Variants in CADM2 observed in about 807,000 individuals in gnomAD.
The protein encoded by CADM2 is immunoglobulin superfamily member 4D.
In CADM2, 12 loss-of-function variants were observed where a neutral mutation model predicts 49.8. The ratio of observed to expected loss-of-function variants is 0.24; its 90% confidence interval spans 0.15 to 0.39. The LOEUF is 0.39. Ranked by LOEUF, CADM2 falls within the 10% of genes least tolerant of loss-of-function variation. The pLI, the probability that CADM2 is intolerant of heterozygous loss-of-function variation, is 1.00. For synonymous variants in CADM2, 214 were observed against 175.4 expected (o/e 1.22, Z -1.74); for missense variants, 378 against 492.3 (o/e 0.77, Z 2.20).
intron 8 of CADM2, among the ~76,000 whole-genome samples, chr3:85,967,659 T>C (rs1452073068): frequency 6.6e-6 from 1 of 151,590 alleles, no homozygotes; most frequent in Non-Finnish European, 1.5e-5. Flanking sequence ...TTGTGCTTCA[T>C]AGTAAATGTG....
At chr3:85,090,365 C>T (rs900490108) in intron 1 of CADM2, among the ~76,000 whole-genome samples, 3 of 152,086 alleles carry the variant, frequency 2.0e-5, no homozygotes, top group Admixed American at 6.6e-5. Flanking sequence ...TTGACATTGA[C>T]AATGACCACT....
rs377677089 is a variant in CADM2 at position 85,956,473 on chromosome 3, A to C, written c.792-4996A>C. On this transcript the variant is annotated intron_variant, in intron 7 of 9. Coordinates refer to ENST00000383699, the MANE Select transcript of CADM2 (RefSeq NM_001167675.2). The stretch of plus-strand genomic sequence containing the variant: ...TAGGCTATTTTTAATCTATGCATAA[A>C]CTCTAACCTCTATTTCATTAAATTT... Among the ~76,000 whole-genome samples the C allele has an allele frequency of 3.8e-4, 58 of 151,662 alleles. 2 individuals carry two copies. The South Asian group carries it at 0.011, about 30-fold the overall frequency.
Position 85,324,758 on chromosome 3 carries a change from A to C in CADM2, c.61+365090A>C, listed in dbSNP as rs199630284. ...TCCTTGTGGTTGCATTCCAATTTAC[A>C]CTTGCAGATGTCTTCACTTAAAACC... On this transcript the variant is annotated intron_variant, in intron 1 of 9. Coordinates refer to ENST00000383699, the MANE Select transcript of CADM2 (RefSeq NM_001167675.2). Among the ~76,000 whole-genome samples, 13 of 152,296 alleles carry C rather than the reference A, an allele frequency of 8.5e-5. 1 individual carries two copies. In the East Asian group the frequency reaches 2.5e-3, roughly 29 times the overall value.
intron 1 of CADM2, among the ~76,000 whole-genome samples, chr3:85,053,850 G>A (rs934902352): frequency 2.0e-5 from 3 of 151,844 alleles, no homozygotes; most frequent in African/African-American, 7.2e-5. Context: ...TGTTTAATTA[G>A]TACAACCAAT....
intron 8 of CADM2, among the ~76,000 whole-genome samples, chr3:86,056,012 A>G (rs1354528459): frequency 6.6e-6 from 1 of 152,316 alleles, no homozygotes; most frequent in African/African-American, 2.4e-5. Context: ...TTTTCTCAGC[A>G]GCAAATGGCC....
intron 2 of CADM2, among the ~76,000 whole-genome samples, chr3:85,801,260 C>G (rs2072012548): frequency 6.6e-6 from 1 of 151,954 alleles, no homozygotes; most frequent in Non-Finnish European, 1.5e-5. Flanking sequence ...TAGTAAAATG[C>G]TTAAGAAGAG....
intron 1 of CADM2, among the ~76,000 whole-genome samples, chr3:85,658,567 GAT>G (rs1427137661): frequency 5.5e-5 from 3 of 54,638 alleles, no homozygotes; most frequent in South Asian, 6.0e-4. Flanking sequence ...AAATATATTG[GAT>G]ATATGTGTAT....
chr3:85,785,980 C>A (rs1215403899), intron 2 of CADM2, among the ~76,000 whole-genome samples: 3 of 151,940 alleles, frequency 2.0e-5, no homozygotes, highest in East Asian at 1.9e-4. Flanking sequence ...ATGATTCAAC[C>A]AAGAGGAAAC....
chr3:86,002,031 C>G (rs1230514138), intron 8 of CADM2, among the ~76,000 whole-genome samples: 2 of 152,042 alleles, frequency 1.3e-5, no homozygotes, highest in African/African-American at 4.8e-5. Flanking sequence ...TGGATGACAG[C>G]ATGAGCCACC....
At chr3:85,545,659 T>G (rs1051520512) in intron 1 of CADM2, among the ~76,000 whole-genome samples, 3 of 152,172 alleles carry the variant, frequency 2.0e-5, no homozygotes, top group Non-Finnish European at 4.4e-5. Context: ...CATCTGTGTT[T>G]GATGCATCCA....
intron 1 of CADM2, among the ~76,000 whole-genome samples, chr3:85,348,670 A>G (rs1467307191): frequency 1.3e-5 from 2 of 152,162 alleles, no homozygotes; most frequent in Non-Finnish European, 2.9e-5. Flanking sequence ...TTGTATGACA[A>G]TGAGAGCTGT....
chr3:85,649,034 G>A (rs144030806), intron 1 of CADM2, among the ~76,000 whole-genome samples: 156 of 152,076 alleles, frequency 1.0e-3, no homozygotes, highest in African/African-American at 3.5e-3. Context: ...TAACCAGACT[G>A]GGTGAAGAAA....
At chr3:85,460,333 G>A (rs2107587552) in intron 1 of CADM2, among the ~76,000 whole-genome samples, 1 of 152,150 alleles carries the variant, frequency 6.6e-6, no homozygotes, top group East Asian at 1.9e-4. Context: ...GAACCACTGT[G>A]AAGACAGAAT....
chr3:85,787,265 A>C (rs2071048285), intron 2 of CADM2, among the ~76,000 whole-genome samples: 1 of 152,152 alleles, frequency 6.6e-6, no homozygotes, highest in Admixed American at 6.6e-5. Flanking sequence ...AGCTAGTAAA[A>C]GATGGGTCTC....
chr3:85,046,059 G>A (rs561348934), intron 1 of CADM2, among the ~76,000 whole-genome samples: 29 of 151,910 alleles, frequency 1.9e-4, no homozygotes, highest in Non-Finnish European at 2.2e-4. Flanking sequence ...TGTATGTAGC[G>A]GTTTATGCAC....
intron 2 of CADM2, among the ~76,000 whole-genome samples, chr3:85,795,020 C>A (rs2108046145): frequency 6.6e-6 from 1 of 152,016 alleles, no homozygotes; most frequent in African/African-American, 2.4e-5. Context: ...ATTTTTTGAT[C>A]TATGCAAACA....
chr3:85,434,088 T>G (rs1405732586), intron 1 of CADM2, among the ~76,000 whole-genome samples: 1 of 152,126 alleles, frequency 6.6e-6, no homozygotes, highest in East Asian at 1.9e-4. Flanking sequence ...TCTGCTAATT[T>G]TAGCAGAATC....
At chr3:85,697,402 G>A (rs1222476554) in intron 1 of CADM2, among the ~76,000 whole-genome samples, 1 of 151,870 alleles carries the variant, frequency 6.6e-6, no homozygotes, top group Non-Finnish European at 1.5e-5. Flanking sequence ...TGTTGAAGTA[G>A]ATATACAATA....
chr3:85,038,620 T>G (rs1360687642), intron 1 of CADM2, among the ~76,000 whole-genome samples: 1 of 152,202 alleles, frequency 6.6e-6, no homozygotes, highest in Non-Finnish European at 1.5e-5. Flanking sequence ...GATTTATACA[T>G]TCCTGAACTC....
Sources: allele counts gnomAD v4.1 joint callset (sites outside exome capture counted in the v4.1 genomes callset), GRCh38; gene constraint gnomAD v4.1.1; transcripts MANE v1.5; gene names NCBI Gene and HGNC (gene_info 2026-07-23, HGNC 2026-07-21).